ZEB1: variants seen among roughly 807,000 people sequenced by gnomAD.
ZEB1 encodes zinc finger E-box-binding homeobox 1.
ZEB1 carries 21 observed loss-of-function variants against 84.9 expected under a neutral mutation model. The ratio of observed to expected loss-of-function variants is 0.25; its 90% CI spans 0.18 to 0.36. The LOEUF (loss-of-function observed/expected upper bound fraction) is 0.36, where lower values mean the gene tolerates loss of function less well. Among genes scored for constraint, ZEB1 ranks in the 10% least tolerant of loss-of-function variants. ZEB1 has a pLI of 1.00. For synonymous variants in ZEB1, 420 were observed against 471.1 expected (o/e 0.89, Z 1.41); for missense variants, 1,104 against 1,330.2 (o/e 0.83, Z 2.65).
At chr10:31,449,004 C>A (rs1285647639) in intron 1 of ZEB1, among the ~76,000 whole-genome samples, 1 of 152,204 alleles carries the variant, frequency 6.6e-6, no homozygotes, top group Non-Finnish European at 1.5e-5. Context: ...GGGCGCCCCT[C>A]CCCCAGCCTC....
At chr10:31,450,050 C>T (rs1327957366) in intron 1 of ZEB1, among the ~76,000 whole-genome samples, 1 of 152,118 alleles carries the variant, frequency 6.6e-6, no homozygotes, top group Non-Finnish European at 1.5e-5. Flanking sequence ...TCCTACTTCT[C>T]TATATAAACT....
chr10:31,527,317 A>G lies in ZEB1; in HGVS notation c.*53A>G. 6.5e-7 allele frequency: 1 copy of G among 1,549,784 alleles called. No homozygotes were observed. The highest frequency in any genetic ancestry group is 8.7e-7 in the Non-Finnish European group (1 of 1,151,980). On this transcript the variant is annotated 3_prime_UTR_variant, in exon 9 of 9. Transcript: ENST00000424869. Reference sequence around the variant, plus strand: ...TAATTGATAATGAATTTCGTTCAATATTATCCTTGCTTTTCATGGAAACAC... The same window carrying G: ...TAATTGATAATGAATTTCGTTCAATGTTATCCTTGCTTTTCATGGAAACAC...
chr10:31,494,978 A>G (rs2067012365), intron 2 of ZEB1, among the ~76,000 whole-genome samples: 1 of 152,082 alleles, frequency 6.6e-6, no homozygotes, highest in Non-Finnish European at 1.5e-5. Flanking sequence ...ATAAAGTGAA[A>G]GAAAAAGCAT....
At chr10:31,452,717 G>GTGTGTA (rs1431598550) in intron 1 of ZEB1, among the ~76,000 whole-genome samples, 1 of 116,630 alleles carries the variant, frequency 8.6e-6, no homozygotes, top group Non-Finnish European at 1.7e-5. Flanking sequence ...GTGTGTGTGT[G>GTGTGTA]TGTGTGTGTG....
At chr10:31,496,330 A>G (rs912215631) in intron 3 of ZEB1, among the ~76,000 whole-genome samples, 1 of 152,098 alleles carries the variant, frequency 6.6e-6, no homozygotes, top group Non-Finnish European at 1.5e-5. Flanking sequence ...ACGAGAATCA[A>G]AAATTTTTCT....
chr10:31,466,601 G>C (rs1395993012), intron 2 of ZEB1, among the ~76,000 whole-genome samples: 1 of 152,140 alleles, frequency 6.6e-6, no homozygotes, highest in Non-Finnish European at 1.5e-5. Context: ...ATGGAATGCA[G>C]CAAAAGCAGT....
intron 1 of ZEB1, among the ~76,000 whole-genome samples, chr10:31,328,156 C>T (rs1480170507): frequency 3.3e-5 from 5 of 152,064 alleles, no homozygotes; most frequent in African/African-American, 9.7e-5. Context: ...CCTGGATTTT[C>T]TTCTATTAGT....
intron 1 of ZEB1, among the ~76,000 whole-genome samples, chr10:31,348,029 A>G (rs968121309): frequency 1.3e-5 from 2 of 152,234 alleles, no homozygotes; most frequent in Non-Finnish European, 2.9e-5. Flanking sequence ...TATCTGGGTT[A>G]GTAACATAGG....
At chr10:31,454,202 T>G (rs1034252075) in intron 1 of ZEB1, among the ~76,000 whole-genome samples, 2 of 152,154 alleles carry the variant, frequency 1.3e-5, no homozygotes, top group Non-Finnish European at 2.9e-5. Context: ...TTTGATAAAA[T>G]TCAACACCCC....
At chr10:31,505,507 G>C (rs1192454457) in intron 4 of ZEB1, among the ~76,000 whole-genome samples, 1 of 151,946 alleles carries the variant, frequency 6.6e-6, no homozygotes, top group East Asian at 1.9e-4. Context: ...AATCTTGGTA[G>C]GCTGTGTCCA....
chr10:31,370,653 T>C (rs1335271660), intron 1 of ZEB1, among the ~76,000 whole-genome samples: 6 of 152,150 alleles, frequency 3.9e-5, no homozygotes, highest in Admixed American at 3.9e-4. Flanking sequence ...GAGGTGAATG[T>C]CTGAAATTGA....
chr10:31,352,162 C>T (rs1244115518), intron 1 of ZEB1, among the ~76,000 whole-genome samples: 2 of 152,056 alleles, frequency 1.3e-5, no homozygotes, highest in Non-Finnish European at 2.9e-5. Flanking sequence ...AAGCGTTGCC[C>T]TTATTTTCAT....
intron 1 of ZEB1, among the ~76,000 whole-genome samples, chr10:31,431,911 C>T (rs2057756591): frequency 6.6e-6 from 1 of 152,112 alleles, no homozygotes; most frequent in South Asian, 2.1e-4. Context: ...ATTGACAAAA[C>T]AGTTTATTTT....
intron 6 of ZEB1, among the ~76,000 whole-genome samples, chr10:31,519,317 CT>C (rs2071810971): frequency 1.3e-5 from 2 of 152,112 alleles, no homozygotes; most frequent in African/African-American, 4.8e-5. Flanking sequence ...CAAAGTATCC[CT>C]AACAGCCAAG....
intron 1 of ZEB1, among the ~76,000 whole-genome samples, chr10:31,422,603 A>G (rs1002558206): frequency 1.3e-5 from 2 of 152,146 alleles, no homozygotes; most frequent in African/African-American, 4.8e-5. Flanking sequence ...TGGCCTTGGA[A>G]GAACATAGCT....
chr10:31,369,258 A>G (rs534157601), intron 1 of ZEB1, among the ~76,000 whole-genome samples: 1 of 152,312 alleles, frequency 6.6e-6, no homozygotes, highest in East Asian at 1.9e-4. Context: ...TGAAATACTT[A>G]AAACGTTATT....
chr10:31,456,486 G>C lies in ZEB1; in HGVS notation c.59-4551G>C, dbSNP rs117226467. Among the ~76,000 whole-genome samples, 207 of 152,228 alleles carry C rather than the reference G, an allele frequency of 1.4e-3. 1 individual carries two copies. The highest frequency in any genetic ancestry group is 2.1e-3 in the Non-Finnish European group (142 of 68,006). On this transcript the variant is annotated intron_variant, in intron 1 of 8. Coordinates refer to ENST00000424869, the MANE Select transcript of ZEB1 (RefSeq NM_001174096.2). ...AGATTCTAATGGTTAAAATTGTTTA[G>C]TCATTAGAAAATATCTGCAGTGGTA... is the stretch of plus-strand genomic sequence containing the variant.
intron 1 of ZEB1, chr10:31,321,670 T>A: frequency 1.6e-6 from 2 of 1,215,630 alleles, no homozygotes; most frequent in African/African-American, 1.5e-5. Flanking sequence ...GCAGCTGCTG[T>A]AAACATGTTT....
At chr10:31,319,053 G>A (rs1564438860), upstream of ZEB1, 2 of 647,348 alleles carry the variant, frequency 3.1e-6, no homozygotes, top group South Asian at 1.8e-5. Flanking sequence ...CCGGTCCCTA[G>A]CAACAAGGTT....
Sources: gnomAD v4.1 joint callset for allele counts (sites outside exome capture counted in the v4.1 genomes callset) on GRCh38, gnomAD v4.1.1 for gene constraint, MANE v1.5 for transcripts, NCBI Gene and HGNC (gene_info 2026-07-23, HGNC 2026-07-21) for gene names.